Variants in POSTN observed in about 807,000 individuals in gnomAD.
The protein encoded by POSTN is periostin.
Under a neutral mutation model 104.5 loss-of-function variants are expected in POSTN, and 71 were observed. The ratio of observed to expected loss-of-function variants is 0.68; its 90% CI spans 0.56 to 0.83. POSTN has a LOEUF of 0.83. POSTN is among the 40% of genes least tolerant of loss of function. The probability of loss-of-function intolerance (pLI) is 0.00; values close to 1 mark genes in which losing one functional copy is unlikely to be tolerated. For missense variants in POSTN, 949 were observed against 1,006.8 expected, an observed-to-expected ratio of 0.94 and a Z score of 0.78; for synonymous variants, 355 against 340.7, an observed-to-expected ratio of 1.04 and a Z score of -0.46.
chr13:37,590,349 T>C (rs745496145), intron 4 of POSTN, 23 bp downstream of exon 4: 25 of 1,489,968 alleles, frequency 1.7e-5, no homozygotes, highest in Non-Finnish European at 2.1e-5. Flanking sequence ...AAAATAAATA[T>C]ATTGATAAAA....
intron 7 of POSTN, 73 bp downstream of exon 7, chr13:37,586,066 T>G: frequency 1.5e-6 from 2 of 1,370,206 alleles, no homozygotes; most frequent in South Asian, 3.9e-5. Context: ...ATATTATTGG[T>G]AAGGACTAGC....
chr13:37,582,610 A>G (rs890275666), intron 9 of POSTN, 96 bp from the exon 10 acceptor site: 10 of 1,160,380 alleles, frequency 8.6e-6, no homozygotes, highest in Admixed American at 5.7e-5. Flanking sequence ...ATAATCCCTG[A>G]CATTATTGAT....
At chr13:37,593,051 G>A (rs1950988638) in intron 2 of POSTN, among the ~76,000 whole-genome samples, 1 of 150,942 alleles carries the variant, frequency 6.6e-6, no homozygotes, top group Non-Finnish European at 1.5e-5. Context: ...TGTAAAATTT[G>A]ATAAAAATAA....
At chr13:37,583,497 A>G (rs1358178407) in intron 9 of POSTN, among the ~76,000 whole-genome samples, 2 of 138,928 alleles carry the variant, frequency 1.4e-5, no homozygotes, top group Non-Finnish European at 3.0e-5. Flanking sequence ...GCTAGAGTGC[A>G]GTGGTGCCAT....
chr13:37,567,235 CAAAA>C (rs71093694), intron 21 of POSTN, among the ~76,000 whole-genome samples: 2 of 36,926 alleles, frequency 5.4e-5, no homozygotes, highest in East Asian at 1.2e-3. Context: ...GACTCCGTCT[CAAAA>C]AAAAAAAAAA....
At chr13:37,579,385 T>TA in intron 12 of POSTN, 26 bp from the exon 13 acceptor site, 1 of 1,503,466 alleles carries the variant, frequency 6.7e-7, no homozygotes. Context: ...TGTTTATTTT[T>TA]ATTGAATAAT....
At chr13:37,568,359 A>G (rs1271532909) in intron 21 of POSTN, among the ~76,000 whole-genome samples, 1 of 152,126 alleles carries the variant, frequency 6.6e-6, no homozygotes, top group Non-Finnish European at 1.5e-5. Flanking sequence ...AAAATATAGA[A>G]AGTCCCAAGA....
At position 37,579,342 on chromosome 13, in the gene POSTN, G is replaced by A; in HGVS notation, c.1678C>T (p.Gln560Ter). ...GTCAGGTGATAAAGAATGATGTTTTGAAGAGCATTTTTGTCCCCTAGGGGA... is the reference window on the plus strand; with the variant it reads ...GTCAGGTGATAAAGAATGATGTTTTAAAGAGCATTTTTGTCCCCTAGGGGA... ...EILIRDKNAL[Q>*]NIILYHLTPG... Residue 560 changes from glutamine to a stop codon, truncating the protein, a stop_gained, in exon 13 of 23, where the codon CAA becomes TAA. Coordinates refer to ENST00000379747, the MANE Select transcript of POSTN (RefSeq NM_006475.3). LOFTEE classifies it high-confidence loss of function. 6.3e-7 allele frequency: 1 copy of A among 1,587,478 alleles called. No individual in the cohort carries two copies. Among genetic ancestry groups the A allele is most frequent in the Non-Finnish European group, 8.6e-7 (1 of 1,156,648 alleles).
chr13:37,574,702 A>G (rs540623232), intron 16 of POSTN, 50 bp from the exon 17 acceptor site: 4 of 1,523,426 alleles, frequency 2.6e-6, no homozygotes, highest in Non-Finnish European at 3.5e-6. Flanking sequence ...AAAAACCTGA[A>G]CAAAGGTTTT....
At position 37,578,334 on chromosome 13, in the gene POSTN, T is replaced by A. The variant is rs920764804; in HGVS notation, c.1962+510A>T. ...GGTCCTGAGTAGCTTTTAATAGATA[T>A]TTGTTGAACAAAACCATGAAGAAAT... On this transcript the variant is annotated intron_variant, in intron 15 of 22. Coordinates refer to ENST00000379747, the MANE Select transcript of POSTN (RefSeq NM_006475.3). 3.3e-5 allele frequency among the ~76,000 whole-genome samples: 5 copies of A among 152,188 alleles called. No individual in the cohort carries two copies. The East Asian group carries it at 7.7e-4, about 23-fold the overall frequency.
At chr13:37,567,235 C>CAAAAAAAAAAAAAAAAAAAAAAA (rs71093694) in intron 21 of POSTN, among the ~76,000 whole-genome samples, 1 of 36,926 alleles carries the variant, frequency 2.7e-5, no homozygotes, top group African/African-American at 1.3e-4. Context: ...GACTCCGTCT[C>CAAAAAAAAAAAAAAAAAAAAAAA]AAAAAAAAAA....
chr13:37,590,242 C>A, intron 4 of POSTN, 130 bp downstream of exon 4: 1 of 641,076 alleles, frequency 1.6e-6, no homozygotes, highest in East Asian at 3.0e-5. Flanking sequence ...TAACTCATCC[C>A]TTTAGGTATT....
chr13:37,579,717 G>C, intron 12 of POSTN, 144 bp downstream of exon 12: 12 of 925,654 alleles, frequency 1.3e-5, no homozygotes, highest in Non-Finnish European at 1.9e-5. Context: ...CACATCCCAA[G>C]TGGACGAAAT....
chr13:37,582,049 A>T (rs540253497), intron 10 of POSTN, among the ~76,000 whole-genome samples: 6 of 152,348 alleles, frequency 3.9e-5, no homozygotes, highest in Admixed American at 2.0e-4. Context: ...ATTACCTTGA[A>T]AATTGTAAAG....
intron 3 of POSTN, among the ~76,000 whole-genome samples, chr13:37,591,788 G>A (rs1316791567): frequency 6.6e-6 from 1 of 152,134 alleles, no homozygotes; most frequent in Non-Finnish European, 1.5e-5. Context: ...GTTTTGCCAA[G>A]TAGTTGAGTT....
rs563150647 is a variant in POSTN at position 37,595,658 on chromosome 13, A to C, written c.218+1526T>G. Among the ~76,000 whole-genome samples the C allele has an allele frequency of 2.0e-5, 3 of 150,180 alleles. No homozygotes were observed. In the South Asian group the frequency reaches 6.4e-4, roughly 32 times the overall value. On this transcript the variant is annotated intron_variant, in intron 2 of 22. Transcript: ENST00000379747. The stretch of plus-strand genomic sequence containing the variant: ...CTATGCATTTGTTTAAAAGAGTTTA[A>C]TTTTAAGAACAATTGATATTATGCA...
At chr13:37,575,653 C>G (rs1002986998) in intron 16 of POSTN, among the ~76,000 whole-genome samples, 1 of 152,034 alleles carries the variant, frequency 6.6e-6, no homozygotes, top group Non-Finnish European at 1.5e-5. Context: ...GCATCTAGAT[C>G]ACATCAAAGC....
chr13:37,596,598 T>C (rs1951093473), intron 2 of POSTN, among the ~76,000 whole-genome samples: 1 of 152,222 alleles, frequency 6.6e-6, no homozygotes, highest in East Asian at 1.9e-4. Context: ...GCTTCCGTTA[T>C]CACCTTGTGG....
intron 1 of POSTN, among the ~76,000 whole-genome samples, chr13:37,598,371 T>C (rs1951145790): frequency 6.6e-6 from 1 of 152,168 alleles, no homozygotes; most frequent in Admixed American, 6.5e-5. Flanking sequence ...ATTAGAATTA[T>C]ATAACATTTC....
Sources: allele counts gnomAD v4.1 joint callset (sites outside exome capture counted in the v4.1 genomes callset), GRCh38; gene constraint gnomAD v4.1.1; transcripts MANE v1.5; gene names NCBI Gene and HGNC (gene_info 2026-07-23, HGNC 2026-07-21).